KCNH7: variants seen among roughly 807,000 people sequenced by gnomAD.
KCNH7 encodes the protein voltage-gated inwardly rectifying potassium channel KCNH7.
Under a neutral mutation model 120.8 loss-of-function variants are expected in KCNH7, and 49 were observed. That is an observed-to-expected ratio of 0.41 (90% CI 0.32 to 0.51). KCNH7 has a LOEUF of 0.51. KCNH7 is among the 20% of genes least tolerant of loss of function. The probability of loss-of-function intolerance (pLI) is 0.38; values close to 1 mark genes in which losing one functional copy is unlikely to be tolerated. For synonymous variants in KCNH7, 547 were observed against 516.1 expected (o/e 1.06, Z -0.81); for missense variants, 1,097 against 1,446.6 (o/e 0.76, Z 3.92).
chr2:162,579,518 G>C (rs986943410), intron 2 of KCNH7, among the ~76,000 whole-genome samples: 7 of 152,076 alleles, frequency 4.6e-5, no homozygotes, highest in South Asian at 2.1e-4. Flanking sequence ...TTGGAGACTC[G>C]TTAACCTCCC....
chr2:162,481,057 T>C (rs142848628), intron 6 of KCNH7, among the ~76,000 whole-genome samples: 156 of 152,292 alleles, frequency 1.0e-3, no homozygotes, highest in African/African-American at 3.3e-3. Context: ...ATGATTCTTC[T>C]GGCTCCTCCA....
chr2:162,721,102 A>T (rs578205696), intron 2 of KCNH7, among the ~76,000 whole-genome samples: 1 of 152,310 alleles, frequency 6.6e-6, no homozygotes, highest in South Asian at 2.1e-4. Context: ...AGAGATGCAC[A>T]GCAGCACATC....
intron 2 of KCNH7, among the ~76,000 whole-genome samples, chr2:162,788,784 C>T (rs946643193): frequency 2.0e-5 from 3 of 151,040 alleles, no homozygotes; most frequent in Admixed American, 2.0e-4. Context: ...TGTAAATTAC[C>T]CCAAATAGAT....
chr2:162,769,855 T>A (rs186093386), intron 2 of KCNH7, among the ~76,000 whole-genome samples: 15 of 152,196 alleles, frequency 9.9e-5, no homozygotes, highest in Non-Finnish European at 1.5e-4. Flanking sequence ...AAACTTAGGA[T>A]GCAAATAAGC....
intron 2 of KCNH7, among the ~76,000 whole-genome samples, chr2:162,593,337 G>T (rs1694275316): frequency 6.6e-6 from 1 of 152,092 alleles, no homozygotes; most frequent in Non-Finnish European, 1.5e-5. Flanking sequence ...GCAGACAGAA[G>T]TGACAGGTGT....
intron 2 of KCNH7, among the ~76,000 whole-genome samples, chr2:162,715,249 A>G (rs931019173): frequency 6.6e-6 from 1 of 152,176 alleles, no homozygotes; most frequent in Non-Finnish European, 1.5e-5. Context: ...TGAAGTGGGA[A>G]TAGGCATTTC....
At position 162,794,138 on chromosome 2, in the gene KCNH7, A is replaced by G. The variant is rs142866196; in HGVS notation, c.307+42399T>C. 3.0e-4 allele frequency among the ~76,000 whole-genome samples: 45 copies of G among 151,964 alleles called. No homozygotes were observed. In the East Asian group the frequency reaches 4.2e-3, roughly 14 times the overall value. Reference sequence around the variant, plus strand: ...GTTTCTCATTTAGAAATTTGCAAGAATATTTTCAGAACTTAAAAAAAATAG... The same window carrying G: ...GTTTCTCATTTAGAAATTTGCAAGAGTATTTTCAGAACTTAAAAAAAATAG... On this transcript the variant is annotated intron_variant, in intron 2 of 15. Coordinates refer to ENST00000332142, the MANE Select transcript of KCNH7 (RefSeq NM_033272.4).
At chr2:162,483,442 T>C (rs1265107128) in intron 6 of KCNH7, among the ~76,000 whole-genome samples, 1 of 152,176 alleles carries the variant, frequency 6.6e-6, no homozygotes, top group Non-Finnish European at 1.5e-5. Flanking sequence ...AGAGGGATTC[T>C]GCAGTGTGGA....
intron 2 of KCNH7, among the ~76,000 whole-genome samples, chr2:162,798,836 A>G (rs1684239092): frequency 2.0e-5 from 3 of 152,162 alleles, no homozygotes; most frequent in Admixed American, 2.0e-4. Flanking sequence ...AACTTGGCAC[A>G]ACACTATGAA....
At chr2:162,429,471 A>G (rs1472781138) in intron 8 of KCNH7, among the ~76,000 whole-genome samples, 2 of 130,996 alleles carry the variant, frequency 1.5e-5, no homozygotes, top group African/African-American at 5.9e-5. Flanking sequence ...ATCTGGTATA[A>G]TTTTCTTTAA....
At chr2:162,452,496 A>G (rs1164946911) in intron 6 of KCNH7, among the ~76,000 whole-genome samples, 1 of 151,822 alleles carries the variant, frequency 6.6e-6, no homozygotes, top group African/African-American at 2.4e-5. Context: ...ATCTGTGTTC[A>G]GCCATACAGA....
intron 2 of KCNH7, among the ~76,000 whole-genome samples, chr2:162,787,489 A>T (rs1683754996): frequency 6.6e-6 from 1 of 152,046 alleles, no homozygotes; most frequent in South Asian, 2.1e-4. Context: ...GCATCCACGA[A>T]TTCAGGCTTG....
chr2:162,379,502 C>T (rs190997948), intron 14 of KCNH7, among the ~76,000 whole-genome samples: 10 of 151,658 alleles, frequency 6.6e-5, no homozygotes, highest in East Asian at 3.9e-4. Context: ...CGGGAACATC[C>T]GAAAAAGTGT....
At chr2:162,801,919 C>T (rs1477533668) in intron 2 of KCNH7, among the ~76,000 whole-genome samples, 1 of 151,740 alleles carries the variant, frequency 6.6e-6, no homozygotes, top group African/African-American at 2.4e-5. Context: ...TAACTAAATA[C>T]CTGTTCACTT....
chr2:162,435,211 G>C lies in KCNH7; in HGVS notation c.1941C>G (p.Val647=). The part of the protein sequence containing the change: ...TNSEKIFSIC[V]MLIGSLMYAS... The stretch of plus-strand genomic sequence containing the variant: ...AAAGCTACTTACAGCCAATCAACAT[G>C]ACACAAATTGAAAAGATTTTCTCCG... The change falls in exon 8 of 16, where the codon GTC becomes GTG. Residue 647 remains valine (V), a synonymous_variant. Coordinates refer to ENST00000332142, the MANE Select transcript of KCNH7 (RefSeq NM_033272.4). 1 of 1,612,540 alleles carries C rather than the reference G, an allele frequency of 6.2e-7. No individual in the cohort carries two copies. Among genetic ancestry groups the C allele is most frequent in the Non-Finnish European group, 8.5e-7 (1 of 1,179,122 alleles).
At chr2:162,673,515 T>C (rs1460638772) in intron 2 of KCNH7, among the ~76,000 whole-genome samples, 1 of 152,062 alleles carries the variant, frequency 6.6e-6, no homozygotes, top group Non-Finnish European at 1.5e-5. Context: ...TGATTTACTT[T>C]GGCTGATAGA....
intron 2 of KCNH7, among the ~76,000 whole-genome samples, chr2:162,568,849 T>C (rs1574112864): frequency 6.6e-6 from 1 of 152,038 alleles, no homozygotes; most frequent in African/African-American, 2.4e-5. Flanking sequence ...TTTTAAAAGA[T>C]GCTATGACTT....
chr2:162,471,108 C>CGGAG (rs1479337070), intron 6 of KCNH7, among the ~76,000 whole-genome samples: 1 of 152,144 alleles, frequency 6.6e-6, no homozygotes, highest in Non-Finnish European at 1.5e-5. Flanking sequence ...ACAAACACTG[C>CGGAG]GGAGGGCCGC....
chr2:162,577,403 A>G (rs1346332234), intron 2 of KCNH7, among the ~76,000 whole-genome samples: 1 of 150,348 alleles, frequency 6.7e-6, no homozygotes, highest in African/African-American at 2.5e-5. Flanking sequence ...CTATCCATCT[A>G]TCTATCTATC....
Sources: gnomAD v4.1 joint callset for allele counts (sites outside exome capture counted in the v4.1 genomes callset) on GRCh38, gnomAD v4.1.1 for gene constraint, MANE v1.5 for transcripts, NCBI Gene and HGNC (gene_info 2026-07-23, HGNC 2026-07-21) for gene names.